Variants in RAB38 observed in about 807,000 individuals in gnomAD.
RAB38 encodes ras-related protein Rab-38.
RAB38 carries 15 observed loss-of-function variants against 18.4 expected under a neutral mutation model. That is an observed-to-expected ratio of 0.82 (90% confidence interval 0.55 to 1.26). The LOEUF (loss-of-function observed/expected upper bound fraction) is 1.26, where lower values mean the gene tolerates loss of function less well. Among genes scored for constraint, RAB38 ranks in the 50% most tolerant of loss-of-function variants. RAB38 has a pLI of 0.00. For synonymous variants in RAB38, 101 were observed against 104.4 expected (o/e 0.97, Z 0.20); for missense variants, 294 against 267.4 (o/e 1.10, Z -0.69).
the RAB38 span, among the ~76,000 whole-genome samples, chr11:88,046,326 C>T: frequency 6.6e-6 from 1 of 152,184 alleles, no homozygotes. Context: ...TCAGGATCTG[C>T]CCCTTATCAA....
intron 2 of RAB38, among the ~76,000 whole-genome samples, chr11:88,132,570 G>A (rs897036079): frequency 6.6e-6 from 1 of 152,188 alleles, no homozygotes; most frequent in Non-Finnish European, 1.5e-5. Flanking sequence ...TGATTCTCCT[G>A]CCTCAGCCTC....
the RAB38 span, among the ~76,000 whole-genome samples, chr11:87,938,619 G>GTTTTTT: frequency 1.0e-5 from 1 of 99,858 alleles, no homozygotes; most frequent in Admixed American, 1.1e-4. Context: ...GCTCTTTTCC[G>GTTTTTT]TTTTTTTTTT....
At chr11:87,879,081 C>G in the RAB38 span, among the ~76,000 whole-genome samples, 1 of 149,976 alleles carries the variant, frequency 6.7e-6, no homozygotes, top group Non-Finnish European at 1.5e-5. Flanking sequence ...AGGCAACACT[C>G]TGGTCGTTTG....
chr11:88,088,667 G>GT, the RAB38 span, among the ~76,000 whole-genome samples: 29 of 148,336 alleles, frequency 2.0e-4, no homozygotes, highest in Admixed American at 2.7e-4. Context: ...ACCAGAGTTA[G>GT]TTTTTTTTTT....
At chr11:88,104,583 G>C in the RAB38 span, among the ~76,000 whole-genome samples, 1 of 152,072 alleles carries the variant, frequency 6.6e-6, no homozygotes, top group African/African-American at 2.4e-5. Flanking sequence ...TCTCAAATCA[G>C]GTTAATGATT....
chr11:87,853,658 G>A, the RAB38 span, among the ~76,000 whole-genome samples: 4 of 152,188 alleles, frequency 2.6e-5, no homozygotes, highest in Non-Finnish European at 4.4e-5. Flanking sequence ...GGCAGTAGTG[G>A]AAGATTGGGC....
At chr11:87,889,575 G>A in the RAB38 span, among the ~76,000 whole-genome samples, 38 of 151,862 alleles carry the variant, frequency 2.5e-4, no homozygotes, top group African/African-American at 7.5e-4. Flanking sequence ...GGTTGTTTAC[G>A]TATATTATGT....
At chr11:87,912,630 T>G in the RAB38 span, among the ~76,000 whole-genome samples, 5 of 151,850 alleles carry the variant, frequency 3.3e-5, no homozygotes, top group Non-Finnish European at 5.9e-5. Flanking sequence ...TTTGTCAGAC[T>G]CATTGATCTC....
chr11:88,068,832 A>C, the RAB38 span, among the ~76,000 whole-genome samples: 2 of 152,238 alleles, frequency 1.3e-5, no homozygotes, highest in Non-Finnish European at 2.9e-5. Flanking sequence ...TAAATATTTT[A>C]AGGCAATTTG....
At chr11:87,871,860 ACATTCCACTGAAT>A in the RAB38 span, among the ~76,000 whole-genome samples, 3 of 151,572 alleles carry the variant, frequency 2.0e-5, no homozygotes, top group Non-Finnish European at 4.4e-5. Flanking sequence ...TATTTTCATT[ACATTCCACTGAAT>A]GAACATACCC....
At chr11:88,145,541 A>C (rs1284753616) in intron 2 of RAB38, among the ~76,000 whole-genome samples, 1 of 152,186 alleles carries the variant, frequency 6.6e-6, no homozygotes. Flanking sequence ...AGATTCAGGC[A>C]ATGGGCACCA....
the RAB38 span, among the ~76,000 whole-genome samples, chr11:87,828,433 T>C: frequency 1.5e-3 from 235 of 152,292 alleles, no homozygotes; most frequent in African/African-American, 5.4e-3. Context: ...GTTAAGAATG[T>C]TTAAAAGGTA....
chr11:87,873,262 T>C, the RAB38 span, among the ~76,000 whole-genome samples: 1 of 151,656 alleles, frequency 6.6e-6, no homozygotes, highest in African/African-American at 2.4e-5. Flanking sequence ...ATAAGGTATC[T>C]ATTCAGATAT....
At chr11:87,897,699 T>G in the RAB38 span, among the ~76,000 whole-genome samples, 2 of 151,610 alleles carry the variant, frequency 1.3e-5, no homozygotes, top group African/African-American at 4.8e-5. Flanking sequence ...AAGAATGGCT[T>G]TAGAATCCAT....
downstream of RAB38, among the ~76,000 whole-genome samples, chr11:88,108,593 T>A (rs2134757526): frequency 6.6e-6 from 1 of 152,334 alleles, no homozygotes. Flanking sequence ...TGACTCTTTA[T>A]CCAATTTGCC....
the RAB38 span, among the ~76,000 whole-genome samples, chr11:87,949,023 CT>C: frequency 3.9e-5 from 6 of 152,082 alleles, no homozygotes; most frequent in Admixed American, 2.6e-4. Context: ...TGGTCCTGGA[CT>C]TTTTTTGGTT....
chr11:88,092,358 GAGAGA>G, the RAB38 span, among the ~76,000 whole-genome samples: 1 of 12,462 alleles, frequency 8.0e-5, no homozygotes, highest in African/African-American at 2.8e-4. Flanking sequence ...GAGGGAGAGA[GAGAGA>G]GAGAGAGAGA....
the RAB38 span, among the ~76,000 whole-genome samples, chr11:87,829,427 C>T: frequency 4.0e-3 from 602 of 152,248 alleles, 5 homozygotes; most frequent in African/African-American, 0.013. Flanking sequence ...TCACAGTTCC[C>T]CATGGCTGGA....
the RAB38 span, among the ~76,000 whole-genome samples, chr11:88,012,540 C>T: frequency 6.6e-6 from 1 of 151,882 alleles, no homozygotes; most frequent in African/African-American, 2.4e-5. Context: ...ATTTTTCTGG[C>T]TTCTGGGTGG....
Sources: gnomAD v4.1 joint callset for allele counts (sites outside exome capture counted in the v4.1 genomes callset) on GRCh38, gnomAD v4.1.1 for gene constraint, MANE v1.5 for transcripts, NCBI Gene and HGNC (gene_info 2026-07-23, HGNC 2026-07-21) for gene names.